The following KAZN variants were observed in gnomAD, a reference collection of about 807,000 sequenced individuals.
KAZN encodes the protein kazrin.
In KAZN, 40 loss-of-function variants were observed where a neutral mutation model predicts 87.4. That is an observed-to-expected ratio of 0.46 (90% CI 0.36 to 0.60). KAZN has a LOEUF of 0.60. Ranked by LOEUF, KAZN falls within the 20% of genes least tolerant of loss-of-function variation. KAZN has a pLI of 0.00. For missense variants in KAZN, 898 were observed against 1,073.9 expected, an observed-to-expected ratio of 0.84 and a Z score of 2.29; for synonymous variants, 466 against 458.3, an observed-to-expected ratio of 1.02 and a Z score of -0.22.
intron 2 of KAZN, among the ~76,000 whole-genome samples, chr1:14,586,983 T>A (rs1675890911): frequency 6.6e-6 from 1 of 152,174 alleles, no homozygotes; most frequent in South Asian, 2.1e-4. Context: ...GGAAATGAAA[T>A]CCACACTGCT....
intron 1 of KAZN, among the ~76,000 whole-genome samples, chr1:14,924,844 G>A (rs925083810): frequency 2.0e-5 from 3 of 152,280 alleles, no homozygotes; most frequent in Admixed American, 2.0e-4. Context: ...GGCGCCTGGA[G>A]ACCCAGCTCC....
chr1:14,509,322 C>G (rs1288055430), intron 2 of KAZN, among the ~76,000 whole-genome samples: 4 of 152,150 alleles, frequency 2.6e-5, no homozygotes, highest in Non-Finnish European at 5.9e-5. Flanking sequence ...AATCCAGGCT[C>G]AAAGAGGAAG....
intron 1 of KAZN, among the ~76,000 whole-genome samples, chr1:14,779,899 A>ACATT (rs1361161285): frequency 4.6e-5 from 7 of 152,228 alleles, no homozygotes; most frequent in Admixed American, 3.3e-4. Flanking sequence ...TGATGGGTAT[A>ACATT]CATTCTCTCG....
intron 2 of KAZN, among the ~76,000 whole-genome samples, chr1:14,983,453 G>T (rs1459325574): frequency 6.6e-6 from 1 of 152,148 alleles, no homozygotes; most frequent in Non-Finnish European, 1.5e-5. Flanking sequence ...GGCTCAGCTG[G>T]CAAGCCTGCA....
chr1:14,126,537 G>A (rs1473864447), intron 1 of KAZN, among the ~76,000 whole-genome samples: 3 of 152,044 alleles, frequency 2.0e-5, no homozygotes, highest in Non-Finnish European at 4.4e-5. Flanking sequence ...ACAGAGTGGT[G>A]CATTTTAGCA....
intron 1 of KAZN, among the ~76,000 whole-genome samples, chr1:14,164,588 T>C (rs1001775342): frequency 7.0e-6 from 1 of 143,252 alleles, no homozygotes; most frequent in Non-Finnish European, 1.5e-5. Flanking sequence ...TTGCCCAGAC[T>C]GGAGTGCAAT....
At chr1:15,108,143 C>A (rs570469492) in intron 13 of KAZN, among the ~76,000 whole-genome samples, 2 of 152,252 alleles carry the variant, frequency 1.3e-5, no homozygotes, top group African/African-American at 4.8e-5. Context: ...AATGAGAGAA[C>A]CTTGTCACCT....
intron 2 of KAZN, among the ~76,000 whole-genome samples, chr1:14,208,315 G>A (rs1646784830): frequency 6.6e-6 from 1 of 152,142 alleles, no homozygotes; most frequent in Admixed American, 6.5e-5. Context: ...CATATACATG[G>A]TTGTCAATAG....
intron 2 of KAZN, among the ~76,000 whole-genome samples, chr1:15,011,787 T>G (rs757589314): frequency 1.3e-5 from 2 of 152,128 alleles, no homozygotes; most frequent in African/African-American, 4.8e-5. Context: ...GAATCTTGTG[T>G]CCTCATGTAG....
At chr1:14,078,577 A>T (rs931618807) in intron 1 of KAZN, among the ~76,000 whole-genome samples, 1 of 152,202 alleles carries the variant, frequency 6.6e-6, no homozygotes, top group Non-Finnish European at 1.5e-5. Context: ...CAGAGTTGGA[A>T]CACCGGCAGA....
chr1:14,622,263 G>A (rs1678754052), intron 1 of KAZN, among the ~76,000 whole-genome samples: 1 of 152,174 alleles, frequency 6.6e-6, no homozygotes, highest in African/African-American at 2.4e-5. Context: ...AGAGTGCATT[G>A]ATCAATTCTA....
At chr1:14,233,664 T>G (rs1648084153) in intron 2 of KAZN, among the ~76,000 whole-genome samples, 1 of 152,192 alleles carries the variant, frequency 6.6e-6, no homozygotes, top group South Asian at 2.1e-4. Flanking sequence ...TCAAACAGCT[T>G]TCTTAATAAT....
chr1:14,370,498 A>G lies in KAZN; in HGVS notation c.249+189906A>G, dbSNP rs542375133. Among the ~76,000 whole-genome samples, 10 of 152,154 alleles carry G rather than the reference A, an allele frequency of 6.6e-5. No individual in the cohort carries two copies. In the South Asian group the frequency reaches 2.1e-3, roughly 32 times the overall value. On this transcript the variant is annotated intron_variant, in intron 2 of 16. Transcript: ENST00000636203. ...ACCAAGAGGGTGGTTTGGGGAGGGG[A>G]CAGCTATCTTGTGCAGGGCATGCTA...
At chr1:13,893,561 A>G (rs1052311511) in exon 1 of KAZN, 29 of 1,478,374 alleles carry the variant, frequency 2.0e-5, no homozygotes, top group Admixed American at 2.5e-5. Context: ...AGTGACAAGT[A>G]GCCTCAGATC....
intron 1 of KAZN, among the ~76,000 whole-genome samples, chr1:14,824,805 C>A (rs1333044570): frequency 1.3e-5 from 2 of 152,192 alleles, no homozygotes; most frequent in Non-Finnish European, 2.9e-5. Context: ...CTATCTGGTT[C>A]TCTGTGTTGA....
chr1:14,882,021 G>T (rs928582346), intron 1 of KAZN, among the ~76,000 whole-genome samples: 1 of 152,084 alleles, frequency 6.6e-6, no homozygotes, highest in Non-Finnish European at 1.5e-5. Flanking sequence ...TGAGTCCTTA[G>T]GGCTACTGAA....
At chr1:14,691,849 C>A (rs556688296) in intron 1 of KAZN, among the ~76,000 whole-genome samples, 5 of 152,018 alleles carry the variant, frequency 3.3e-5, no homozygotes, top group African/African-American at 1.2e-4. Flanking sequence ...ACCTGCTCTC[C>A]ATCCAGCAAG....
chr1:14,550,017 G>A (rs1673406242), intron 2 of KAZN, among the ~76,000 whole-genome samples: 1 of 152,224 alleles, frequency 6.6e-6, no homozygotes, highest in Non-Finnish European at 1.5e-5. Flanking sequence ...GATTCAAAAT[G>A]AGGGTCCCTT....
intron 2 of KAZN, among the ~76,000 whole-genome samples, chr1:14,576,930 A>G (rs1402464593): frequency 6.6e-6 from 1 of 152,228 alleles, no homozygotes; most frequent in Non-Finnish European, 1.5e-5. Context: ...TTACTGGTGA[A>G]TCAGATATTC....
Sources: allele counts gnomAD v4.1 joint callset (sites outside exome capture counted in the v4.1 genomes callset), GRCh38; gene constraint gnomAD v4.1.1; transcripts MANE v1.5; gene names NCBI Gene and HGNC (gene_info 2026-07-23, HGNC 2026-07-21).